TJP1: variants seen among roughly 807,000 people sequenced by gnomAD.
TJP1 encodes the protein tight junction protein ZO-1.
TJP1 carries 43 observed loss-of-function variants against 194.2 expected under a neutral mutation model. That is an observed-to-expected ratio of 0.22 (90% CI 0.17 to 0.29). The LOEUF is 0.29. TJP1 is among the 10% of genes least tolerant of loss of function. The probability of loss-of-function intolerance (pLI) is 1.00; values close to 1 mark genes in which losing one functional copy is unlikely to be tolerated. For synonymous variants in TJP1, 801 were observed against 779.0 expected (o/e 1.03, Z -0.47); for missense variants, 1,971 against 2,185.7 (o/e 0.90, Z 1.96).
intron 2 of TJP1, among the ~76,000 whole-genome samples, chr15:29,919,762 T>C (rs1325380552): frequency 1.3e-5 from 2 of 152,150 alleles, no homozygotes; most frequent in African/African-American, 2.4e-5. Context: ...TGGACAAGAT[T>C]TTCTCTTGCT....
intron 1 of TJP1, among the ~76,000 whole-genome samples, chr15:29,814,330 T>C (rs1025889591): frequency 7.2e-5 from 11 of 152,172 alleles, no homozygotes; most frequent in African/African-American, 2.7e-4. Context: ...ATTCACAAAG[T>C]GATCATTACA....
chr15:29,780,082 T>C (rs2047265678), intron 2 of TJP1, among the ~76,000 whole-genome samples: 2 of 152,034 alleles, frequency 1.3e-5, no homozygotes, highest in African/African-American at 4.8e-5. Context: ...CTCAACCTCT[T>C]TGGCACCAGG....
rs918246161 is a variant in TJP1 at position 29,716,507 on chromosome 15, A to G, written c.4202+104T>C. 5.8e-6 allele frequency: 5 copies of G among 868,204 alleles called. No homozygotes were observed. The African/African-American group carries it at 8.5e-5, about 15-fold the overall frequency. 53.8% of individuals were successfully genotyped at this position (868,204 alleles called of 1,614,324 possible). A position where few individuals can be genotyped will look rare whatever the true frequency, so the allele number is the denominator to read the frequency against. On this transcript the variant is annotated intron_variant, in intron 23 of 27. Coordinates refer to ENST00000614355, the MANE Select transcript of TJP1 (RefSeq NM_001330239.4). ...ACAATGCTGAACCACTAGAGCCTACAGAAATCATATATTACACTTAAATTA... is the reference window on the plus strand; with the variant it reads ...ACAATGCTGAACCACTAGAGCCTACGGAAATCATATATTACACTTAAATTA...
At chr15:29,960,189 G>A (rs1208868644) in intron 1 of TJP1, among the ~76,000 whole-genome samples, 6 of 152,100 alleles carry the variant, frequency 3.9e-5, no homozygotes, top group East Asian at 1.9e-4. Context: ...GCCTAAAAGA[G>A]CCTGTAATAA....
At chr15:29,810,039 A>C (rs1369809305) in intron 1 of TJP1, among the ~76,000 whole-genome samples, 1 of 152,218 alleles carries the variant, frequency 6.6e-6, no homozygotes, top group African/African-American at 2.4e-5. Flanking sequence ...AGGGTGAACC[A>C]TCCAAAATCC....
chr15:29,704,857 T>C (rs1460281234), intron 26 of TJP1, among the ~76,000 whole-genome samples: 2 of 152,360 alleles, frequency 1.3e-5, no homozygotes, highest in South Asian at 2.1e-4. Context: ...TAAAACAGGA[T>C]ATCCCCAAAA....
chr15:29,968,318 A>G (rs1364974992), intron 1 of TJP1: 1 of 984,680 alleles, frequency 1.0e-6, no homozygotes, highest in Non-Finnish European at 1.2e-6. Context: ...GGAAATTCTG[A>G]GCCAGAACCC....
At chr15:29,799,587 T>C (rs1414671427) in intron 2 of TJP1, among the ~76,000 whole-genome samples, 1 of 151,986 alleles carries the variant, frequency 6.6e-6, no homozygotes, top group Non-Finnish European at 1.5e-5. Context: ...GCTAATTTTT[T>C]TGTATTTTTA....
intron 25 of TJP1, among the ~76,000 whole-genome samples, chr15:29,706,140 C>T (rs554448946): frequency 7.2e-5 from 11 of 152,158 alleles, no homozygotes; most frequent in East Asian, 3.9e-4. Context: ...CCATATTGGC[C>T]GGGCTGGTCT....
chr15:29,792,348 T>C (rs964666798), intron 2 of TJP1, among the ~76,000 whole-genome samples: 2 of 152,216 alleles, frequency 1.3e-5, no homozygotes, highest in Admixed American at 6.5e-5. Flanking sequence ...GCACCATTTA[T>C]TGCAGACTGT....
chr15:29,843,165 GT>G (rs200717508), intron 2 of TJP1, among the ~76,000 whole-genome samples: 2 of 150,064 alleles, frequency 1.3e-5, no homozygotes, highest in African/African-American at 2.5e-5. Flanking sequence ...TTTTCTTTCT[GT>G]TTTTTTTCTT....
At chr15:29,845,802 C>A (rs1330949380) in intron 2 of TJP1, among the ~76,000 whole-genome samples, 1 of 152,032 alleles carries the variant, frequency 6.6e-6, no homozygotes, top group Admixed American at 6.6e-5. Context: ...GACTCCATCT[C>A]AATAAATAAA....
intron 1 of TJP1, among the ~76,000 whole-genome samples, chr15:29,804,316 G>GT (rs1299097332): frequency 9.9e-5 from 15 of 152,128 alleles, no homozygotes; most frequent in African/African-American, 3.1e-4. Context: ...ATCTTGTTAC[G>GT]TGTTTGAAAG....
At chr15:29,727,887 A>ACT in intron 16 of TJP1, 50 bp downstream of exon 16, 1 of 1,506,846 alleles carries the variant, frequency 6.6e-7, no homozygotes, top group South Asian at 1.1e-5. Flanking sequence ...ATCCCATCCC[A>ACT]CTCAAAACCA....
At chr15:29,813,918 T>C (rs892693040) in intron 1 of TJP1, among the ~76,000 whole-genome samples, 6 of 152,234 alleles carry the variant, frequency 3.9e-5, no homozygotes, top group Admixed American at 2.0e-4. Context: ...GGAATCCAAA[T>C]TGTTACATAT....
At chr15:29,784,749 C>T (rs2047591022) in intron 2 of TJP1, among the ~76,000 whole-genome samples, 1 of 152,102 alleles carries the variant, frequency 6.6e-6, no homozygotes, top group South Asian at 2.1e-4. Context: ...TGACGAGATA[C>T]ATGGATAGGA....
chr15:29,903,526 C>G (rs770363290), intron 2 of TJP1, among the ~76,000 whole-genome samples: 14 of 151,910 alleles, frequency 9.2e-5, no homozygotes, highest in South Asian at 4.2e-4. Context: ...CTCACTGCAA[C>G]CTCTGCCTCC....
intron 2 of TJP1, among the ~76,000 whole-genome samples, chr15:29,838,531 A>C (rs2051111761): frequency 1.3e-5 from 2 of 152,186 alleles, no homozygotes; most frequent in Admixed American, 6.5e-5. Context: ...CTCTAGAACA[A>C]TATTCAAACC....
At chr15:29,965,693 T>C (rs1455600730) in intron 1 of TJP1, among the ~76,000 whole-genome samples, 2 of 152,162 alleles carry the variant, frequency 1.3e-5, no homozygotes, top group Non-Finnish European at 2.9e-5. Context: ...ACTAGCAAAA[T>C]GAAACATTAT....
Sources: allele counts gnomAD v4.1 joint callset (sites outside exome capture counted in the v4.1 genomes callset), GRCh38; gene constraint gnomAD v4.1.1; transcripts MANE v1.5; gene names NCBI Gene and HGNC (gene_info 2026-07-23, HGNC 2026-07-21).